Variants in MACROD1 observed in about 807,000 individuals in gnomAD.
The protein encoded by MACROD1 is mono-ADP ribosylhydrolase 1.
Under a neutral mutation model 41.4 loss-of-function variants are expected in MACROD1, and 31 were observed. The observed-to-expected ratio is 0.75, with a 90% CI of 0.56 to 1.01. The LOEUF is 1.01. Among genes scored for constraint, MACROD1 ranks in the 50% least tolerant of loss-of-function variants. The pLI, the probability that MACROD1 is intolerant of heterozygous loss-of-function variation, is 0.00. For missense variants in MACROD1, 473 were observed against 460.0 expected, an observed-to-expected ratio of 1.03 and a Z score of -0.26; for synonymous variants, 252 against 203.4, an observed-to-expected ratio of 1.24 and a Z score of -2.03.
chr11:64,035,279 G>C (rs986011895), intron 3 of MACROD1, among the ~76,000 whole-genome samples: 1 of 152,012 alleles, frequency 6.6e-6, no homozygotes, highest in Non-Finnish European at 1.5e-5. Context: ...TACAGCACGC[G>C]GCGGATGAGA....
chr11:64,040,831 C>T lies in MACROD1; in HGVS notation c.518-25550G>A, dbSNP rs1009908677. On this transcript the variant is annotated intron_variant, in intron 3 of 10. Transcript: ENST00000255681. ...GCTGTGTCCTGGAGGGCCCCGGACC[C>T]GGCTGTATGGGGCTCAGCTAGCCAC... Among the ~76,000 whole-genome samples the T allele has an allele frequency of 3.9e-5, 6 of 152,006 alleles. No homozygotes were observed. The South Asian group carries it at 6.2e-4, about 16-fold the overall frequency.
chr11:64,101,335 C>T (rs1004193188), intron 3 of MACROD1, among the ~76,000 whole-genome samples: 6 of 152,128 alleles, frequency 3.9e-5, no homozygotes, highest in Admixed American at 3.9e-4. Flanking sequence ...AGGATAAAGC[C>T]GAGAAGCTAT....
chr11:64,105,681 TG>T (rs1317981614), intron 3 of MACROD1, among the ~76,000 whole-genome samples: 1 of 152,128 alleles, frequency 6.6e-6, no homozygotes, highest in Non-Finnish European at 1.5e-5. Context: ...GCAGACATGC[TG>T]GTGGAGAAGA....
rs1205302584 is a variant in MACROD1 at position 64,151,327 on chromosome 11, C to T, written c.429G>A (p.Arg143=). ...KGVAVKVEEP[R]YKKDKQLNEK... Reference sequence around the variant, plus strand: ...CATTGAGCTGCTTGTCCTTTTTATACCTGGGCTCCTCCACCTTCACAGCCA... The same window carrying T: ...CATTGAGCTGCTTGTCCTTTTTATATCTGGGCTCCTCCACCTTCACAGCCA... Residue 143 remains arginine, a synonymous_variant, in exon 3 of 11, where the codon AGG becomes AGA. Transcript: ENST00000255681. The T allele has an allele frequency of 3.7e-6, 6 of 1,613,812 alleles. No homozygotes were observed. The highest frequency in any genetic ancestry group is 5.1e-6 in the Non-Finnish European group (6 of 1,179,990).
intron 3 of MACROD1, among the ~76,000 whole-genome samples, chr11:64,025,420 T>G (rs1943211780): frequency 6.6e-6 from 1 of 152,110 alleles, no homozygotes. Context: ...CAGCTGCCCC[T>G]CACCCCTCAT....
At chr11:64,023,990 G>A (rs962039708) in intron 3 of MACROD1, among the ~76,000 whole-genome samples, 1 of 151,934 alleles carries the variant, frequency 6.6e-6, no homozygotes, top group Non-Finnish European at 1.5e-5. Context: ...CCAAGCTCCT[G>A]GCCAGTCTCA....
chr11:64,117,736 C>T (rs113441416), intron 3 of MACROD1: 1 of 1,613,902 alleles, frequency 6.2e-7, no homozygotes, highest in Admixed American at 1.7e-5. Flanking sequence ...GGGGACAAGA[C>T]AGAGTACCTG....
Position 64,146,373 on chromosome 11 carries a change from C to T in MACROD1, c.517+4866G>A, listed in dbSNP as rs969404491. On this transcript the variant is annotated intron_variant, in intron 3 of 10. Transcript: ENST00000255681. This position sits in a 1 kb window ranked among gnomAD's most constrained non-coding sequence, Gnocchi z 4.7. ...CTCCTCCTCCAGAAGAGGGGGCCTG[C>T]GGGGGCTCCCTGGCTTATCTCCTGC... Among the ~76,000 whole-genome samples the T allele has an allele frequency of 2.0e-5, 3 of 152,168 alleles. No homozygotes were observed. Among genetic ancestry groups the T allele is most frequent in the Non-Finnish European group, 2.9e-5 (2 of 68,020 alleles).
intron 3 of MACROD1, among the ~76,000 whole-genome samples, chr11:64,110,054 G>A (rs1250747064): frequency 6.6e-6 from 1 of 152,126 alleles, no homozygotes; most frequent in Non-Finnish European, 1.5e-5. Flanking sequence ...TATAATGTCA[G>A]TGAATCCTGA....
chr11:64,131,528 T>C (rs945481803), intron 3 of MACROD1, among the ~76,000 whole-genome samples: 2 of 152,156 alleles, frequency 1.3e-5, no homozygotes, highest in Admixed American at 6.5e-5. Flanking sequence ...GGTTTCTCCA[T>C]GTTGGCCAGG....
At chr11:64,156,250 C>T (rs985654768) in intron 1 of MACROD1, among the ~76,000 whole-genome samples, 3 of 152,192 alleles carry the variant, frequency 2.0e-5, no homozygotes, top group Non-Finnish European at 2.9e-5. Context: ...CACTGCACTC[C>T]AGACTGCCCA....
chr11:64,116,705 G>T (rs780377796), intron 3 of MACROD1: 2 of 1,613,674 alleles, frequency 1.2e-6, no homozygotes, highest in Non-Finnish European at 8.5e-7. Flanking sequence ...CCAGGGACTC[G>T]CTGGCCCGCA....
chr11:63,999,278 T>C, intron 8 of MACROD1, 53 bp downstream of exon 8: 2 of 1,529,026 alleles, frequency 1.3e-6, no homozygotes, highest in Non-Finnish European at 1.8e-6. Context: ...TGATGGGGGC[T>C]GGTCACTCTG....
At chr11:64,053,733 C>T (rs1284891341) in intron 3 of MACROD1, among the ~76,000 whole-genome samples, 3 of 152,232 alleles carry the variant, frequency 2.0e-5, no homozygotes, top group African/African-American at 4.8e-5. Flanking sequence ...CCTTGCCTTC[C>T]GCTCTCTGGG....
chr11:64,101,024 TG>T (rs970176469), intron 3 of MACROD1, among the ~76,000 whole-genome samples: 1 of 152,128 alleles, frequency 6.6e-6, no homozygotes, highest in Non-Finnish European at 1.5e-5. Flanking sequence ...AGCCAGGTGC[TG>T]GGGGATCCAG....
chr11:64,042,756 G>T (rs1361905278), intron 3 of MACROD1, among the ~76,000 whole-genome samples: 1 of 152,196 alleles, frequency 6.6e-6, no homozygotes, highest in East Asian at 1.9e-4. Flanking sequence ...ACAAGGGGTT[G>T]GACCACTAGG....
chr11:64,134,626 C>A (rs1325480815), intron 3 of MACROD1, among the ~76,000 whole-genome samples: 1 of 152,174 alleles, frequency 6.6e-6, no homozygotes. Context: ...GGGGACAGCA[C>A]CTGAGGAAGC....
At chr11:64,147,529 T>A (rs1447008290) in intron 3 of MACROD1, among the ~76,000 whole-genome samples, 2 of 149,330 alleles carry the variant, frequency 1.3e-5, no homozygotes, top group African/African-American at 2.5e-5. Flanking sequence ...TTCAAGTGAT[T>A]CTCCTACCTC....
At position 64,064,734 on chromosome 11, in the gene MACROD1, C is replaced by G. The variant is rs542928261; in HGVS notation, c.518-49453G>C. 8.6e-5 allele frequency among the ~76,000 whole-genome samples: 13 copies of G among 151,242 alleles called. No individual in the cohort carries two copies. The South Asian group carries it at 1.5e-3, about 17-fold the overall frequency. ...TCCTCTCCCCTCCCTGCCAGCCCCC[C>G]AGCAGGCAGCCAGGCCTGGACCCAC... On this transcript the variant is annotated intron_variant, in intron 3 of 10. Transcript: ENST00000255681. This position sits in a 1 kb window ranked among gnomAD's most constrained non-coding sequence, Gnocchi z 4.5.
Sources: gnomAD v4.1 joint callset for allele counts (sites outside exome capture counted in the v4.1 genomes callset) on GRCh38, gnomAD v4.1.1 for gene constraint, Gnocchi (gnomAD v3.1) non-coding constraint, MANE v1.5 for transcripts, NCBI Gene and HGNC (gene_info 2026-07-23, HGNC 2026-07-21) for gene names.